Variants in WDR25 observed in about 807,000 individuals in gnomAD.
WDR25 encodes WD repeat domain 25, also known as WD repeat-containing protein 25.
WDR25 carries 35 observed loss-of-function variants against 47.7 expected under a neutral mutation model. That is an observed-to-expected ratio of 0.73 (90% CI 0.56 to 0.97). The LOEUF (loss-of-function observed/expected upper bound fraction) is 0.97, where lower values mean the gene tolerates loss of function less well. Ranked by LOEUF, WDR25 falls within the 50% of genes least tolerant of loss-of-function variation. The pLI is 0.00. For missense variants in WDR25, 634 were observed against 704.7 expected (o/e 0.90, Z 1.14); for synonymous variants, 248 against 278.9 (o/e 0.89, Z 1.10).
chr14:100,395,969 AAT>A (rs1398084763), intron 2 of WDR25, among the ~76,000 whole-genome samples: 3 of 149,848 alleles, frequency 2.0e-5, no homozygotes, highest in Non-Finnish European at 4.4e-5. Context: ...ACATCTGTGA[AAT>A]GTTTTTTTTT....
At chr14:100,391,794 G>A (rs1030535880) in intron 2 of WDR25, among the ~76,000 whole-genome samples, 14 of 152,154 alleles carry the variant, frequency 9.2e-5, no homozygotes, top group African/African-American at 3.4e-4. Context: ...AAATCCCTGG[G>A]GGGCCTCAAG....
intron 2 of WDR25, among the ~76,000 whole-genome samples, chr14:100,386,141 A>T (rs959535955): frequency 2.0e-5 from 3 of 152,172 alleles, no homozygotes; most frequent in African/African-American, 7.2e-5. Context: ...GCTTCCTTAA[A>T]ATACTTTGAA....
At chr14:100,477,727 G>A (rs1231821952) in intron 3 of WDR25, among the ~76,000 whole-genome samples, 4 of 152,180 alleles carry the variant, frequency 2.6e-5, no homozygotes, top group Admixed American at 2.0e-4. Context: ...GCAGCCCAGG[G>A]CGTTGTATTT....
intron 2 of WDR25, among the ~76,000 whole-genome samples, chr14:100,437,644 T>C (rs557192341): frequency 2.0e-5 from 3 of 152,150 alleles, no homozygotes; most frequent in African/African-American, 7.2e-5. Context: ...ATTATTATTA[T>C]TAGTATTATT....
At chr14:100,433,782 G>A (rs187882948) in intron 2 of WDR25, among the ~76,000 whole-genome samples, 3 of 152,194 alleles carry the variant, frequency 2.0e-5, no homozygotes, top group African/African-American at 4.8e-5. Flanking sequence ...ATCTCTTCAC[G>A]CTAGCTGCTG....
At position 100,484,610 on chromosome 14, in the gene WDR25, A is replaced by G. The variant is rs144506076; in HGVS notation, c.1101+486A>G. Reference sequence around the variant, plus strand: ...TCCTCAGTCTTAAAGGCTGGTTGTGATTTCCATCCCCATCCTTTATTACAA... The same window carrying G: ...TCCTCAGTCTTAAAGGCTGGTTGTGGTTTCCATCCCCATCCTTTATTACAA... On this transcript the variant is annotated intron_variant, in intron 4 of 6. Transcript: ENST00000402312. 1.0e-3 allele frequency among the ~76,000 whole-genome samples: 155 copies of G among 152,024 alleles called. 1 individual carries two copies. The highest frequency in any genetic ancestry group is 3.6e-3 in the African/African-American group (148 of 41,424).
intron 2 of WDR25, among the ~76,000 whole-genome samples, chr14:100,459,894 G>GTGTATATATATATA (rs1172584092): frequency 2.0e-4 from 16 of 78,264 alleles, no homozygotes; most frequent in Non-Finnish European, 3.8e-4. Flanking sequence ...GTGTGTGTGT[G>GTGTATATATATATA]TATATATATA....
chr14:100,393,608 G>T (rs748580754), intron 2 of WDR25, among the ~76,000 whole-genome samples: 7 of 152,158 alleles, frequency 4.6e-5, no homozygotes, highest in Admixed American at 1.3e-4. Context: ...GTGTGTCTGT[G>T]GGGGGAAGAG....
chr14:100,510,976 C>T (rs149659220), intron 4 of WDR25, among the ~76,000 whole-genome samples: 6 of 151,902 alleles, frequency 3.9e-5, no homozygotes, highest in African/African-American at 1.5e-4. Flanking sequence ...GAAATCAGCT[C>T]GTATAAGTCT....
intron 2 of WDR25, among the ~76,000 whole-genome samples, chr14:100,445,240 C>T (rs535590346): frequency 5.3e-5 from 8 of 152,282 alleles, no homozygotes; most frequent in South Asian, 2.1e-4. Flanking sequence ...TTAGGGGATT[C>T]GGTTACACTT....
At chr14:100,452,705 GC>G (rs558635615) in intron 2 of WDR25, among the ~76,000 whole-genome samples, 14 of 152,132 alleles carry the variant, frequency 9.2e-5, no homozygotes, top group Non-Finnish European at 5.9e-5. Context: ...GGGGTGGGGG[GC>G]TATAACTCGA....
At chr14:100,441,389 G>A (rs997872514) in intron 2 of WDR25, among the ~76,000 whole-genome samples, 1 of 152,122 alleles carries the variant, frequency 6.6e-6, no homozygotes, top group African/African-American at 2.4e-5. Context: ...GTGGGGTGGG[G>A]CAGGGAAGGC....
At chr14:100,508,792 G>A (rs1204774332) in intron 4 of WDR25, among the ~76,000 whole-genome samples, 1 of 152,014 alleles carries the variant, frequency 6.6e-6, no homozygotes, top group Admixed American at 6.5e-5. Context: ...TCTATTCTTA[G>A]TTGTATGAAT....
At chr14:100,501,293 G>A (rs947053489) in intron 4 of WDR25, among the ~76,000 whole-genome samples, 22 of 152,200 alleles carry the variant, frequency 1.4e-4, no homozygotes, top group African/African-American at 5.1e-4. Flanking sequence ...GGCACTTAGA[G>A]TGTTCAATAA....
At position 100,530,217 on chromosome 14, in the gene WDR25, GAGGACTACACT is replaced by G; in HGVS notation, c.*179_*189del. The G allele has an allele frequency of 1.5e-6, 1 of 675,438 alleles. No individual in the cohort carries two copies. Among genetic ancestry groups the G allele is most frequent in the East Asian group, 2.8e-5 (1 of 36,044 alleles). The allele number at this position is 675,438 out of a possible 1,614,324, so 41.8% of individuals were successfully genotyped here. ...AAAAGTCTGTTTGCCTCAGGAGTGTGAGGACTACACTAGTGAAAGCGCCTGGCGGGCAGCCG... is the reference window on the plus strand; with the variant it reads ...AAAAGTCTGTTTGCCTCAGGAGTGTGAGTGAAAGCGCCTGGCGGGCAGCCG... On this transcript the variant is annotated 3_prime_UTR_variant, in exon 7 of 7. Transcript: ENST00000402312.
chr14:100,437,752 C>T (rs1005498025), intron 2 of WDR25, among the ~76,000 whole-genome samples: 30 of 152,134 alleles, frequency 2.0e-4, no homozygotes, highest in African/African-American at 6.8e-4. Context: ...CCTCTCCAAC[C>T]CTACGTTCAC....
intron 2 of WDR25, among the ~76,000 whole-genome samples, chr14:100,390,747 CCGCTCTTTTTGGGGGCTGTGT>C (rs1897126017): frequency 6.6e-6 from 1 of 152,122 alleles, no homozygotes. Context: ...CAGATCTGTG[CCGCTCTTTTTGGGGGCTGTGT>C]AGCGCTCAGT....
chr14:100,379,916 A>G (rs1896836504), intron 1 of WDR25, among the ~76,000 whole-genome samples: 2 of 148,282 alleles, frequency 1.3e-5, no homozygotes, highest in African/African-American at 2.5e-5. Context: ...TAATTTTTGT[A>G]TTTTTAGTAG....
intron 2 of WDR25, among the ~76,000 whole-genome samples, chr14:100,452,790 G>A (rs1025464350): frequency 6.6e-6 from 1 of 152,112 alleles, no homozygotes; most frequent in Non-Finnish European, 1.5e-5. Context: ...TGAGATACCA[G>A]TTTTTTGTTT....
Sources: gnomAD v4.1 joint callset for allele counts (sites outside exome capture counted in the v4.1 genomes callset) on GRCh38, gnomAD v4.1.1 for gene constraint, MANE v1.5 for transcripts, NCBI Gene and HGNC (gene_info 2026-07-23, HGNC 2026-07-21) for gene names.